BMPR1B: variants seen among roughly 807,000 people sequenced by gnomAD.
BMPR1B encodes the protein bone morphogenetic protein receptor type 1B.
A neutral mutation model predicts 59.1 loss-of-function variants in BMPR1B; 12 were observed. The ratio of observed to expected loss-of-function variants is 0.20; its 90% confidence interval spans 0.13 to 0.33. The LOEUF (loss-of-function observed/expected upper bound fraction) is 0.33. Among genes scored for constraint, BMPR1B ranks in the 10% least tolerant of loss-of-function variants. The pLI, the probability that BMPR1B is intolerant of heterozygous loss-of-function variation, is 1.00. For synonymous variants in BMPR1B, 237 were observed against 207.3 expected (o/e 1.14, Z -1.23); for missense variants, 550 against 610.9 (o/e 0.90, Z 1.05).
intron 3 of BMPR1B, among the ~76,000 whole-genome samples, chr4:95,017,246 G>A (rs886355328): frequency 1.6e-4 from 25 of 152,166 alleles, no homozygotes; most frequent in Admixed American, 1.4e-3. Context: ...TTTCTCAAAC[G>A]AACTGAAGTT....
At chr4:94,759,053 G>T (rs1721652829) in intron 1 of BMPR1B, among the ~76,000 whole-genome samples, 1 of 152,202 alleles carries the variant, frequency 6.6e-6, no homozygotes, top group African/African-American at 2.4e-5. Flanking sequence ...GTGTTTGGCG[G>T]TGTTGGAGAA....
At chr4:95,022,122 G>T (rs575399801) in intron 3 of BMPR1B, among the ~76,000 whole-genome samples, 1 of 152,224 alleles carries the variant, frequency 6.6e-6, no homozygotes, top group South Asian at 2.1e-4. Context: ...AAACAAGAAG[G>T]CTCCTTCAGC....
chr4:94,885,257 G>A (rs1222807289), intron 2 of BMPR1B, among the ~76,000 whole-genome samples: 1 of 152,158 alleles, frequency 6.6e-6, no homozygotes, highest in Non-Finnish European at 1.5e-5. Flanking sequence ...TGCAGCAGTA[G>A]TAAACAGATA....
intron 5 of BMPR1B, 94 bp downstream of exon 5, chr4:95,114,916 A>G: frequency 8.3e-7 from 1 of 1,200,000 alleles, no homozygotes; most frequent in Non-Finnish European, 1.2e-6. Flanking sequence ...TGGCCAGCCC[A>G]TTTTTAGTAT....
At chr4:94,918,816 T>C (rs929284477) in intron 2 of BMPR1B, among the ~76,000 whole-genome samples, 2 of 152,204 alleles carry the variant, frequency 1.3e-5, no homozygotes, top group Non-Finnish European at 2.9e-5. Context: ...TAACCCTGCC[T>C]ATATTACTCT....
At chr4:95,064,787 A>T (rs1727676440) in intron 3 of BMPR1B, among the ~76,000 whole-genome samples, 1 of 152,202 alleles carries the variant, frequency 6.6e-6, no homozygotes, top group South Asian at 2.1e-4. Flanking sequence ...AAAAATGCTC[A>T]GCATCCTGTT....
At chr4:94,862,826 T>C (rs1726045613) in intron 1 of BMPR1B, among the ~76,000 whole-genome samples, 1 of 150,978 alleles carries the variant, frequency 6.6e-6, no homozygotes, top group African/African-American at 2.4e-5. Context: ...GCACCTGTAG[T>C]CCCAGCTACT....
At chr4:94,983,425 G>A (rs985120143) in intron 2 of BMPR1B, among the ~76,000 whole-genome samples, 1 of 152,094 alleles carries the variant, frequency 6.6e-6, no homozygotes, top group African/African-American at 2.4e-5. Context: ...GAATAAAAAT[G>A]CTAATTGAAA....
At chr4:94,908,061 T>TTAAAAAAAAAA (rs1728115989) in intron 2 of BMPR1B, among the ~76,000 whole-genome samples, 1 of 46,254 alleles carries the variant, frequency 2.2e-5, no homozygotes, top group African/African-American at 7.2e-5. Context: ...ACCCTGTCTT[T>TTAAAAAAAAAA]AAAAAAAAAA....
intron 8 of BMPR1B, among the ~76,000 whole-genome samples, chr4:95,128,738 C>CA (rs1733083809): frequency 6.6e-6 from 1 of 152,148 alleles, no homozygotes. Context: ...TGTCTCATTA[C>CA]AAAAATGTAA....
At chr4:94,811,144 A>G (rs749460325) in intron 1 of BMPR1B, among the ~76,000 whole-genome samples, 7 of 152,240 alleles carry the variant, frequency 4.6e-5, no homozygotes, top group African/African-American at 7.2e-5. Flanking sequence ...GTAGTGCTCA[A>G]TTAACCGTTA....
chr4:94,903,527 TA>T (rs34152934), intron 2 of BMPR1B, among the ~76,000 whole-genome samples: 7 of 151,102 alleles, frequency 4.6e-5, no homozygotes, highest in African/African-American at 1.2e-4. Context: ...TTTTTTTTTT[TA>T]AAAAGACAAT....
intron 2 of BMPR1B, among the ~76,000 whole-genome samples, chr4:94,879,247 T>C (rs532107849): frequency 6.6e-6 from 1 of 152,356 alleles, no homozygotes; most frequent in African/African-American, 2.4e-5. Context: ...CAGTACCTTA[T>C]ACTTCCTGGT....
chr4:94,835,231 G>C (rs1179159044), intron 1 of BMPR1B, among the ~76,000 whole-genome samples: 2 of 151,980 alleles, frequency 1.3e-5, no homozygotes, highest in Non-Finnish European at 2.9e-5. Flanking sequence ...TTCAAAGGTG[G>C]GGTTAAGTAG....
intron 1 of BMPR1B, among the ~76,000 whole-genome samples, chr4:94,789,473 G>T (rs1291841114): frequency 6.6e-6 from 1 of 152,146 alleles, no homozygotes; most frequent in African/African-American, 2.4e-5. Context: ...TTCATTAGCA[G>T]TTGCTGGGCT....
intron 2 of BMPR1B, among the ~76,000 whole-genome samples, chr4:94,985,079 G>A (rs1443122631): frequency 6.6e-6 from 1 of 152,144 alleles, no homozygotes; most frequent in Non-Finnish European, 1.5e-5. Context: ...AGAGCATAAG[G>A]TGGGATTTCT....
chr4:95,141,223 A>G (rs182658803), intron 10 of BMPR1B, among the ~76,000 whole-genome samples: 1 of 152,322 alleles, frequency 6.6e-6, no homozygotes, highest in Admixed American at 6.5e-5. Context: ...CCTAATTTTT[A>G]AAACTTGCTT....
chr4:94,807,175 A>G (rs991841206), intron 1 of BMPR1B, among the ~76,000 whole-genome samples: 3 of 151,938 alleles, frequency 2.0e-5, no homozygotes, highest in Admixed American at 2.0e-4. Context: ...GCTCACTGCA[A>G]TCTCTGCCTC....
intron 1 of BMPR1B, among the ~76,000 whole-genome samples, chr4:94,762,100 A>C (rs1048956962): frequency 6.6e-6 from 1 of 152,242 alleles, no homozygotes; most frequent in Non-Finnish European, 1.5e-5. Flanking sequence ...AATTTACATC[A>C]GGCAATAATT....
Sources: gnomAD v4.1 joint callset for allele counts (sites outside exome capture counted in the v4.1 genomes callset) on GRCh38, gnomAD v4.1.1 for gene constraint, MANE v1.5 for transcripts, NCBI Gene and HGNC (gene_info 2026-07-23, HGNC 2026-07-21) for gene names.